The following CAMKMT variants were observed in gnomAD, a reference collection of about 807,000 sequenced individuals.
CAMKMT encodes the protein CaM KMT.
Under a neutral mutation model 48.0 loss-of-function variants are expected in CAMKMT, and 53 were observed. That is an observed-to-expected ratio of 1.10 (90% CI 0.89 to 1.39). The LOEUF (loss-of-function observed/expected upper bound fraction) is 1.39. Among genes scored for constraint, CAMKMT ranks in the 40% most tolerant of loss-of-function variants. The pLI is 0.00. For missense variants in CAMKMT, 428 were observed against 402.7 expected (o/e 1.06, Z -0.54); for synonymous variants, 165 against 152.3 (o/e 1.08, Z -0.61).
chr2:44,405,762 T>C (rs1358821728), intron 3 of CAMKMT, among the ~76,000 whole-genome samples: 1 of 152,166 alleles, frequency 6.6e-6, no homozygotes, highest in Non-Finnish European at 1.5e-5. Flanking sequence ...AACTAAATGA[T>C]GAATTAGATC....
At chr2:44,368,591 A>C (rs1558541915) in intron 1 of CAMKMT, among the ~76,000 whole-genome samples, 1 of 152,266 alleles carries the variant, frequency 6.6e-6, no homozygotes, top group East Asian at 1.9e-4. Context: ...AGTATTATAC[A>C]TGTGGTGACT....
chr2:44,399,053 A>G (rs920373236), intron 3 of CAMKMT, among the ~76,000 whole-genome samples: 2 of 152,200 alleles, frequency 1.3e-5, no homozygotes, highest in African/African-American at 4.8e-5. Flanking sequence ...GAGATTGAAA[A>G]GGCGCATGTT....
intron 8 of CAMKMT, among the ~76,000 whole-genome samples, chr2:44,753,773 A>G (rs1680253605): frequency 6.6e-6 from 1 of 152,204 alleles, no homozygotes; most frequent in Non-Finnish European, 1.5e-5. Context: ...TGGCTACCCC[A>G]AACAGCAGTT....
Position 44,772,228 on chromosome 2 carries a change from C to A in CAMKMT, c.*115C>A. The A allele has an allele frequency of 2.5e-6, 2 of 806,654 alleles. No individual in the cohort carries two copies. The allele number at this position is 806,654 out of a possible 1,614,324, so 50.0% of individuals were successfully genotyped here. A position where few individuals can be genotyped will look rare whatever the true frequency, so the allele number is the denominator to read the frequency against. ...TGCCTGCGCCCTTTGCAGCATTTCA[C>A]GTGTGGGCTATGGACTCCACCTGTC... On this transcript the variant is annotated 3_prime_UTR_variant, in exon 11 of 11. Coordinates refer to ENST00000378494, the MANE Select transcript of CAMKMT (RefSeq NM_024766.5).
chr2:44,740,295 A>T (rs1679603292), intron 7 of CAMKMT, among the ~76,000 whole-genome samples: 2 of 151,712 alleles, frequency 1.3e-5, no homozygotes, highest in South Asian at 4.2e-4. Flanking sequence ...CACCCAGCTA[A>T]TTTTTTGTAT....
At chr2:44,636,852 C>T (rs193265428) in intron 3 of CAMKMT, among the ~76,000 whole-genome samples, 1 of 152,268 alleles carries the variant, frequency 6.6e-6, no homozygotes, top group East Asian at 1.9e-4. Flanking sequence ...ATTTTGTTCC[C>T]TGTCTAAATA....
At chr2:44,715,686 T>G (rs1233064611) in intron 7 of CAMKMT, among the ~76,000 whole-genome samples, 3 of 152,172 alleles carry the variant, frequency 2.0e-5, no homozygotes, top group Non-Finnish European at 4.4e-5. Context: ...AGTCTCAGCC[T>G]AGGAGCAGTT....
intron 3 of CAMKMT, among the ~76,000 whole-genome samples, chr2:44,473,686 G>A (rs777286847): frequency 7.2e-5 from 11 of 152,178 alleles, no homozygotes; most frequent in African/African-American, 1.2e-4. Flanking sequence ...CCTTGGGGAA[G>A]TTACAGTTTA....
At chr2:44,600,790 G>A (rs1295128767) in intron 3 of CAMKMT, among the ~76,000 whole-genome samples, 1 of 152,108 alleles carries the variant, frequency 6.6e-6, no homozygotes, top group East Asian at 1.9e-4. Context: ...TCTTTAGAGA[G>A]TTTTATGGTG....
At chr2:44,509,695 G>A (rs1029222804) in intron 3 of CAMKMT, among the ~76,000 whole-genome samples, 2 of 152,204 alleles carry the variant, frequency 1.3e-5, no homozygotes, top group Non-Finnish European at 2.9e-5. Context: ...GTGGTTAAGA[G>A]GGATTAATGC....
chr2:44,651,077 T>G (rs1294317624), intron 3 of CAMKMT, among the ~76,000 whole-genome samples: 1 of 152,254 alleles, frequency 6.6e-6, no homozygotes, highest in Non-Finnish European at 1.5e-5. Flanking sequence ...ATTACTCTAT[T>G]GCTGATGGTG....
chr2:44,537,202 A>G (rs963341151), intron 3 of CAMKMT, among the ~76,000 whole-genome samples: 1 of 152,246 alleles, frequency 6.6e-6, no homozygotes, highest in South Asian at 2.1e-4. Context: ...ACAGCAAAGG[A>G]AACAATCAAC....
At chr2:44,486,159 G>A (rs1423360388) in intron 3 of CAMKMT, among the ~76,000 whole-genome samples, 2 of 152,072 alleles carry the variant, frequency 1.3e-5, no homozygotes, top group Admixed American at 6.5e-5. Flanking sequence ...TAGAGACGGA[G>A]TTTCACCATG....
intron 3 of CAMKMT, among the ~76,000 whole-genome samples, chr2:44,606,878 C>T (rs2103879455): frequency 6.6e-6 from 1 of 150,532 alleles, no homozygotes; most frequent in South Asian, 2.1e-4. Context: ...TTTACTGCAG[C>T]TGGTTCTATG....
chr2:44,400,589 AATGAAATACTTAAAAATTCTTTTG>A (rs1208653202), intron 3 of CAMKMT, among the ~76,000 whole-genome samples: 1 of 152,138 alleles, frequency 6.6e-6, no homozygotes, highest in Non-Finnish European at 1.5e-5. Context: ...AAGCTATTTA[AATGAAATACTTAAAAATTCTTTTG>A]GTGATAAGCC....
At chr2:44,460,829 T>G (rs1667810975) in intron 3 of CAMKMT, among the ~76,000 whole-genome samples, 1 of 151,060 alleles carries the variant, frequency 6.6e-6, no homozygotes, top group Non-Finnish European at 1.5e-5. Context: ...TTCACACGAT[T>G]CTCCAGCCTC....
intron 3 of CAMKMT, among the ~76,000 whole-genome samples, chr2:44,423,083 A>G (rs1207077611): frequency 2.6e-5 from 4 of 152,208 alleles, no homozygotes; most frequent in Admixed American, 6.5e-5. Flanking sequence ...GAGGAATAAT[A>G]TTTGTTCTAC....
intron 3 of CAMKMT, among the ~76,000 whole-genome samples, chr2:44,669,050 T>C (rs1337255071): frequency 6.6e-6 from 1 of 152,236 alleles, no homozygotes; most frequent in African/African-American, 2.4e-5. Context: ...CCCACAGTGC[T>C]AGAATTACAG....
chr2:44,704,264 A>G lies in CAMKMT; in HGVS notation c.377-19A>G. 3 of 1,604,014 alleles carry G rather than the reference A, an allele frequency of 1.9e-6. No homozygotes were observed. Among genetic ancestry groups the G allele is most frequent in the Non-Finnish European group, 2.6e-6 (3 of 1,174,732 alleles). On this transcript the variant is annotated intron_variant, in intron 3 of 10. Coordinates refer to ENST00000378494, the MANE Select transcript of CAMKMT (RefSeq NM_024766.5). ...AATGACTTCTATAATCAAAAGGTTT[A>G]TCCTCTTGTGTTTTCTAGGCATCTG...
Sources: gnomAD v4.1 joint callset for allele counts (sites outside exome capture counted in the v4.1 genomes callset) on GRCh38, gnomAD v4.1.1 for gene constraint, MANE v1.5 for transcripts, NCBI Gene and HGNC (gene_info 2026-07-23, HGNC 2026-07-21) for gene names.